The following SSBP2 variants were observed in gnomAD, a reference collection of about 807,000 sequenced individuals.
SSBP2 encodes single stranded DNA binding protein 2, also known as single-stranded DNA-binding protein 2.
Under a neutral mutation model 61.8 loss-of-function variants are expected in SSBP2, and 17 were observed. That is an observed-to-expected ratio of 0.28 (90% CI 0.19 to 0.41). SSBP2 has a LOEUF of 0.41. SSBP2 is among the 10% of genes least tolerant of loss of function. SSBP2 has a pLI of 1.00. For missense variants in SSBP2, 310 were observed against 458.7 expected (o/e 0.68, Z 2.96); for synonymous variants, 139 against 141.3 (o/e 0.98, Z 0.12).
At chr5:81,437,766 C>A (rs1166056581) in intron 14 of SSBP2, 4 of 181,560 alleles carry the variant, frequency 2.2e-5, no homozygotes, top group Non-Finnish European at 3.4e-5. Context: ...ATACCCTACC[C>A]AATTAAAAAT....
chr5:81,547,470 A>AT (rs35317997), intron 4 of SSBP2, among the ~76,000 whole-genome samples: 41 of 150,756 alleles, frequency 2.7e-4, no homozygotes, highest in Non-Finnish European at 4.6e-4. Flanking sequence ...TGGAGAAAAC[A>AT]TTTTTTTTTT....
intron 1 of SSBP2, among the ~76,000 whole-genome samples, chr5:81,677,006 G>A (rs1468112233): frequency 6.6e-6 from 1 of 152,042 alleles, no homozygotes; most frequent in East Asian, 1.9e-4. Flanking sequence ...ATTTATTCAA[G>A]GTCACTCAGT....
chr5:81,530,134 C>A (rs944617524), intron 4 of SSBP2, among the ~76,000 whole-genome samples: 1 of 151,990 alleles, frequency 6.6e-6, no homozygotes, highest in African/African-American at 2.4e-5. Flanking sequence ...GAATAAGGAT[C>A]CTGTGTGACA....
intron 4 of SSBP2, among the ~76,000 whole-genome samples, chr5:81,600,561 C>CAAAAAAAAAAAA (rs35204869): frequency 1.1e-5 from 1 of 87,610 alleles, no homozygotes; most frequent in Non-Finnish European, 2.2e-5. Context: ...GACTCTGTCT[C>CAAAAAAAAAAAA]AAAAAAAAAA....
At chr5:81,457,839 T>A (rs1273477349) in intron 10 of SSBP2, among the ~76,000 whole-genome samples, 2 of 151,974 alleles carry the variant, frequency 1.3e-5, no homozygotes, top group East Asian at 3.9e-4. Context: ...TTTTCGTATT[T>A]TTAGTAGAGA....
chr5:81,642,917 C>G (rs543220380), intron 2 of SSBP2, among the ~76,000 whole-genome samples: 156 of 152,234 alleles, frequency 1.0e-3, no homozygotes, highest in African/African-American at 3.6e-3. Flanking sequence ...TATACACACA[C>G]ACATTTGCTT....
chr5:81,491,027 A>G (rs1331674382), intron 5 of SSBP2, among the ~76,000 whole-genome samples: 2 of 152,230 alleles, frequency 1.3e-5, no homozygotes, highest in African/African-American at 2.4e-5. Flanking sequence ...TGTACTGTCA[A>G]CTAGAAGCTT....
intron 1 of SSBP2, among the ~76,000 whole-genome samples, chr5:81,673,197 C>T (rs1751717778): frequency 6.6e-6 from 1 of 152,014 alleles, no homozygotes; most frequent in Non-Finnish European, 1.5e-5. Context: ...CATGGGTGAC[C>T]AAATAAAAAG....
intron 1 of SSBP2, among the ~76,000 whole-genome samples, chr5:81,737,106 A>G (rs1196818253): frequency 6.6e-6 from 1 of 152,110 alleles, no homozygotes; most frequent in African/African-American, 2.4e-5. Context: ...ACCTAACTAA[A>G]GCTAAAAACC....
At chr5:81,451,724 G>A (rs191786988) in intron 10 of SSBP2, among the ~76,000 whole-genome samples, 1 of 152,330 alleles carries the variant, frequency 6.6e-6, no homozygotes, top group East Asian at 1.9e-4. Flanking sequence ...CACTGTGCCT[G>A]GCCTCCTTTT....
chr5:81,700,894 A>G (rs140106649), intron 1 of SSBP2, among the ~76,000 whole-genome samples: 2 of 152,314 alleles, frequency 1.3e-5, no homozygotes, highest in African/African-American at 4.8e-5. Flanking sequence ...TGTTGTGGCC[A>G]TATCTTCTAA....
intron 1 of SSBP2, among the ~76,000 whole-genome samples, chr5:81,741,028 C>T (rs1319367823): frequency 1.3e-5 from 2 of 152,106 alleles, no homozygotes; most frequent in Non-Finnish European, 2.9e-5. Context: ...CCATGTTAAG[C>T]GATGAAACAC....
In SSBP2 at chr5:81,702,232, G is replaced by A. The variant is rs181983922; in HGVS notation, c.62+48749C>T. 7.2e-4 allele frequency among the ~76,000 whole-genome samples: 110 copies of A among 152,258 alleles called. 1 individual carries two copies. The highest frequency in any genetic ancestry group is 2.5e-3 in the African/African-American group (104 of 41,556). On this transcript the variant is annotated intron_variant, in intron 1 of 16. Transcript: ENST00000320672. The stretch of plus-strand genomic sequence containing the variant: ...CTAAAATACGAAAAATTAGCTGGGC[G>A]TGGTGGCGCACACCTGTAGTCCCAG...
In SSBP2 at chr5:81,471,839, T is replaced by C. The variant is rs532086822; in HGVS notation, c.570+1861A>G. On this transcript the variant is annotated intron_variant, in intron 8 of 16. Transcript: ENST00000320672. ...GTATTTATATGGGTTTTTTTTTTCC[T>C]ATAATATGGCATCTCCAAAAAGTCT... 3.4e-4 allele frequency among the ~76,000 whole-genome samples: 52 copies of C among 152,078 alleles called. No homozygotes were observed. In the Middle Eastern group the frequency reaches 0.024, roughly 70 times the overall value.
At chr5:81,587,755 A>ACGCACACACACGCACACACACG (rs1554092899) in intron 4 of SSBP2, among the ~76,000 whole-genome samples, 6 of 137,812 alleles carry the variant, frequency 4.4e-5, no homozygotes, top group Non-Finnish European at 3.2e-5. Context: ...ACGCACACAC[A>ACGCACACACACGCACACACACG]CGCGCGCGCA....
chr5:81,693,202 T>TAAAAAAAAAAAA (rs34403567), intron 1 of SSBP2, among the ~76,000 whole-genome samples: 1 of 116,148 alleles, frequency 8.6e-6, no homozygotes. Flanking sequence ...GACTTTGTCT[T>TAAAAAAAAAAAA]AAAAAAAAAA....
intron 16 of SSBP2, among the ~76,000 whole-genome samples, chr5:81,425,716 G>C (rs1018781689): frequency 6.6e-6 from 1 of 151,334 alleles, no homozygotes; most frequent in Non-Finnish European, 1.5e-5. Flanking sequence ...GGTCTTGGTT[G>C]TGATCTTAAA....
In SSBP2 at chr5:81,562,202, G is replaced by A. The variant is rs562753119; in HGVS notation, c.283-48485C>T. Among the ~76,000 whole-genome samples the A allele has an allele frequency of 6.2e-4, 95 of 152,032 alleles. 1 individual carries two copies. The South Asian group carries it at 8.5e-3, about 14-fold the overall frequency. On this transcript the variant is annotated intron_variant, in intron 4 of 16. Transcript: ENST00000320672. ...ATTACAGGCTTGAGCCACCGCCCCC[G>A]GCCAAGACCTTTTTATATTCATATA...
chr5:81,594,015 C>G (rs1002989848), intron 4 of SSBP2, among the ~76,000 whole-genome samples: 1 of 152,088 alleles, frequency 6.6e-6, no homozygotes, highest in Non-Finnish European at 1.5e-5. Context: ...TGTAAATGGG[C>G]TAAATGCTTC....
Sources: gnomAD v4.1 joint callset for allele counts (sites outside exome capture counted in the v4.1 genomes callset) on GRCh38, gnomAD v4.1.1 for gene constraint, MANE v1.5 for transcripts, NCBI Gene and HGNC (gene_info 2026-07-23, HGNC 2026-07-21) for gene names.